IL1RAPL2: variants seen among roughly 807,000 people sequenced by gnomAD.
The protein encoded by IL1RAPL2 is X-linked interleukin-1 receptor accessory protein-like 2.
In IL1RAPL2, 3 loss-of-function variants were observed where a neutral mutation model predicts 44.1. That is an observed-to-expected ratio of 0.07 (90% CI 0.03 to 0.18). The LOEUF (loss-of-function observed/expected upper bound fraction) is 0.18. IL1RAPL2 is among the 10% of genes least tolerant of loss of function. IL1RAPL2 has a pLI of 1.00. For missense variants in IL1RAPL2, 391 were observed against 496.4 expected, an observed-to-expected ratio of 0.79 and a Z score of 2.02; for synonymous variants, 181 against 178.8, an observed-to-expected ratio of 1.01 and a Z score of -0.10.
chrX:105,204,762 T>C (rs1281126050), intron 3 of IL1RAPL2, among the ~76,000 whole-genome samples: 1 of 111,604 alleles, frequency 9.0e-6, no homozygotes, highest in Admixed American at 9.5e-5. Context: ...TGTGTGACCT[T>C]GAGCAATTTA....
chrX:104,894,361 T>A (rs1379878011), intron 2 of IL1RAPL2, among the ~76,000 whole-genome samples: 1 of 112,158 alleles, frequency 8.9e-6, no homozygotes, highest in Non-Finnish European at 1.9e-5. Flanking sequence ...TTCTCCTGGA[T>A]AATATCCTGC....
intron 2 of IL1RAPL2, among the ~76,000 whole-genome samples, chrX:105,140,073 C>A (rs1277686843): frequency 8.9e-6 from 1 of 112,045 alleles, no homozygotes; most frequent in Non-Finnish European, 1.9e-5. Flanking sequence ...AATTGATGAC[C>A]TCCGACCTGA....
intron 2 of IL1RAPL2, among the ~76,000 whole-genome samples, chrX:105,054,149 T>G (rs965617340): frequency 8.1e-5 from 9 of 111,087 alleles, no homozygotes; most frequent in African/African-American, 2.9e-4. Context: ...CATGGCACAC[T>G]AATACACACA....
chrX:104,832,120 C>T (rs1341831718), intron 2 of IL1RAPL2, among the ~76,000 whole-genome samples: 1 of 111,476 alleles, frequency 9.0e-6, no homozygotes, highest in African/African-American at 3.3e-5. Flanking sequence ...AGCTTTTATA[C>T]TCTTGGATAC....
intron 2 of IL1RAPL2, among the ~76,000 whole-genome samples, chrX:105,160,615 C>T (rs770225446): frequency 9.0e-6 from 1 of 111,266 alleles, no homozygotes; most frequent in Non-Finnish European, 1.9e-5. Context: ...ATTTCATTCT[C>T]CCCAAAACTA....
intron 2 of IL1RAPL2, among the ~76,000 whole-genome samples, chrX:104,883,288 C>T (rs751252711): frequency 1.3e-4 from 15 of 111,353 alleles, no homozygotes; most frequent in Non-Finnish European, 2.6e-4. Flanking sequence ...GCGACTAGTG[C>T]GGCCACCAGA....
chrX:105,655,852 G>T (rs1369080477), intron 6 of IL1RAPL2, among the ~76,000 whole-genome samples: 1 of 111,655 alleles, frequency 9.0e-6, no homozygotes, highest in African/African-American at 3.3e-5. Flanking sequence ...TACATAGGAG[G>T]TATGTATATT....
At chrX:105,040,673 G>A (rs1157450452) in intron 2 of IL1RAPL2, among the ~76,000 whole-genome samples, 15 of 110,269 alleles carry the variant, frequency 1.4e-4, no homozygotes, top group Non-Finnish European at 1.9e-4. Context: ...TTGCGTAGAG[G>A]TGTTTATAGT....
intron 8 of IL1RAPL2, among the ~76,000 whole-genome samples, chrX:105,747,862 A>G (rs2038562690): frequency 9.0e-6 from 1 of 110,847 alleles, no homozygotes; most frequent in African/African-American, 3.3e-5. Flanking sequence ...TTCCAGTTAC[A>G]TGGTAAGCTG....
intron 5 of IL1RAPL2, among the ~76,000 whole-genome samples, chrX:105,315,578 G>GTATATATA (rs771525814): frequency 0.16 from 3,419 of 21,736 alleles, 611 homozygotes; most frequent in African/African-American, 0.23. Context: ...ACTAATGGAT[G>GTATATATA]TATATATATA....
At chrX:104,632,708 G>A (rs1443922767) in intron 1 of IL1RAPL2, among the ~76,000 whole-genome samples, 3 of 108,563 alleles carry the variant, frequency 2.8e-5, no homozygotes, top group African/African-American at 1.0e-4. Context: ...CTGAGACTTT[G>A]CTGAAGTTGC....
At chrX:105,505,993 A>C (rs188346500) in intron 6 of IL1RAPL2, among the ~76,000 whole-genome samples, 9 of 111,302 alleles carry the variant, frequency 8.1e-5, no homozygotes, top group Admixed American at 2.9e-4. Context: ...AAATTAACCT[A>C]CTATACCTCG....
At chrX:105,590,849 T>TGTGTGTGTGTGTGTGTG (rs1569456765) in intron 6 of IL1RAPL2, among the ~76,000 whole-genome samples, 1 of 80,807 alleles carries the variant, frequency 1.2e-5, no homozygotes, top group African/African-American at 5.4e-5. Context: ...GTGTGTGTGT[T>TGTGTGTGTGTGTGTGTG]TGTGTGTGTT....
At chrX:105,167,387 G>C (rs1334363209) in intron 2 of IL1RAPL2, among the ~76,000 whole-genome samples, 2 of 112,058 alleles carry the variant, frequency 1.8e-5, no homozygotes, top group Non-Finnish European at 3.8e-5. Flanking sequence ...CCTTTACTTG[G>C]TCAATTTTGT....
At chrX:105,097,773 T>A (rs1333609725) in intron 2 of IL1RAPL2, among the ~76,000 whole-genome samples, 1 of 111,350 alleles carries the variant, frequency 9.0e-6, no homozygotes, top group Non-Finnish European at 1.9e-5. Flanking sequence ...CTCCTTCCTC[T>A]CCTCTAACTC....
At chrX:105,446,638 T>C (rs1681286827) in intron 5 of IL1RAPL2, among the ~76,000 whole-genome samples, 1 of 111,263 alleles carries the variant, frequency 9.0e-6, no homozygotes, top group East Asian at 2.8e-4. Flanking sequence ...TGATGACAAC[T>C]TAACACTGAT....
At chrX:104,992,265 A>C (rs761683245) in intron 2 of IL1RAPL2, among the ~76,000 whole-genome samples, 2 of 111,449 alleles carry the variant, frequency 1.8e-5, no homozygotes, top group South Asian at 7.6e-4. Context: ...CATTTTAGAA[A>C]AAAAGCACAC....
At chrX:105,098,775 T>G (rs950060020) in intron 2 of IL1RAPL2, among the ~76,000 whole-genome samples, 7 of 112,177 alleles carry the variant, frequency 6.2e-5, no homozygotes, top group Non-Finnish European at 9.4e-5. Flanking sequence ...TTGTCCATTT[T>G]CAATTATGGT....
At chrX:105,388,529 C>T (rs1438079543) in intron 5 of IL1RAPL2, among the ~76,000 whole-genome samples, 4 of 109,888 alleles carry the variant, frequency 3.6e-5, no homozygotes, top group African/African-American at 1.3e-4. Context: ...TTAACCTCTT[C>T]AGGTTTATAA....
Sources: gnomAD v4.1 joint callset for allele counts (sites outside exome capture counted in the v4.1 genomes callset) on GRCh38, gnomAD v4.1.1 for gene constraint, MANE v1.5 for transcripts, NCBI Gene and HGNC (gene_info 2026-07-23, HGNC 2026-07-21) for gene names.